The following SIRT5 variants were observed in gnomAD, a reference collection of about 807,000 sequenced individuals.
SIRT5 encodes the protein NAD-dependent protein deacylase sirtuin-5, mitochondrial.
In SIRT5, 26 loss-of-function variants were observed where a neutral mutation model predicts 40.0. That is an observed-to-expected ratio of 0.65 (90% confidence interval 0.48 to 0.90). The LOEUF (loss-of-function observed/expected upper bound fraction) is 0.90, where lower values mean the gene tolerates loss of function less well. SIRT5 is among the 40% of genes least tolerant of loss of function. The pLI is 0.00. For synonymous variants in SIRT5, 146 were observed against 149.1 expected (o/e 0.98, Z 0.15); for missense variants, 401 against 402.4 (o/e 1.00, Z 0.03).
chr6:13,578,863 G>A (rs114142853), intron 1 of SIRT5, among the ~76,000 whole-genome samples: 2,112 of 152,066 alleles, frequency 0.014, 47 homozygotes, highest in African/African-American at 0.047. Context: ...AAAAGGCATC[G>A]TTAAATGACA....
intron 1 of SIRT5, among the ~76,000 whole-genome samples, chr6:13,578,577 A>C (rs967340121): frequency 6.7e-6 from 1 of 148,790 alleles, no homozygotes; most frequent in Non-Finnish European, 1.5e-5. Context: ...AGACGGCGCC[A>C]CTGCACTGCA....
chr6:13,598,441 G>T (rs1378078577), intron 7 of SIRT5, among the ~76,000 whole-genome samples: 3 of 152,168 alleles, frequency 2.0e-5, no homozygotes, highest in Non-Finnish European at 2.9e-5. Flanking sequence ...GGTCTGGGTG[G>T]CTGTGAGCAC....
At chr6:13,582,533 A>G (rs532327582) in intron 2 of SIRT5, among the ~76,000 whole-genome samples, 1 of 148,348 alleles carries the variant, frequency 6.7e-6, no homozygotes, top group African/African-American at 2.5e-5. Flanking sequence ...GTTAGTATTG[A>G]GTTTTATGAG....
In SIRT5 at chr6:13,607,882, C is replaced by A. The variant is rs574268513; in HGVS notation, c.858-3908C>A. Among the ~76,000 whole-genome samples the A allele has an allele frequency of 6.6e-6, 1 of 152,052 alleles. No homozygotes were observed. The highest frequency in any genetic ancestry group is 1.5e-5 in the Non-Finnish European group (1 of 67,988). The stretch of plus-strand genomic sequence containing the variant: ...AATTCTCCTGCCTCAGCCTCCCAAG[C>A]AGCTAGGACTACAGGCGTGCGCCAC... On this transcript the variant is annotated intron_variant, in intron 9 of 9. Coordinates refer to ENST00000606117, the MANE Select transcript of SIRT5 (RefSeq NM_012241.5). This position sits in a 1 kb window ranked among gnomAD's most constrained non-coding sequence, Gnocchi z 4.0.
rs1418797740 is a variant in SIRT5, at chr6:13,591,827, G to C, written c.408G>C (p.Val136=). 6.2e-7 allele frequency: 1 copy of C among 1,614,130 alleles called. No homozygotes were observed. Among genetic ancestry groups the C allele is most frequent in the Non-Finnish European group, 8.5e-7 (1 of 1,179,986 alleles). Residue 136 remains valine (V), a synonymous_variant, in exon 5 of 10, where the codon GTG becomes GTC. Coordinates refer to ENST00000606117, the MANE Select transcript of SIRT5 (RefSeq NM_012241.5). ...TRLGKQGRRV[V]VITQNIDELH... ...TGGGCAAGCAGGGCCGGCGAGTCGT[G>C]GTCATCACCCAGAACATCGATGAGC...
chr6:13,584,126 A>G lies in SIRT5; in HGVS notation c.16A>G (p.Ile6Val), dbSNP rs570067378. The change falls in exon 3 of 10, where the codon ATT becomes GTT. Residue 6 changes from isoleucine to valine, a missense_variant. Ile to Val is a conservative substitution (Grantham distance 29). Coordinates refer to ENST00000606117, the MANE Select transcript of SIRT5 (RefSeq NM_012241.5). ...ACAAACCCTGATGCGACCTCTCCAGATTGTCCCAAGTCGATTGATTTCCCA... is the reference window on the plus strand; with the variant it reads ...ACAAACCCTGATGCGACCTCTCCAGGTTGTCCCAAGTCGATTGATTTCCCA... MRPLQ[I>V]VPSRLISQLY... 1.1e-5 allele frequency: 17 copies of G among 1,614,032 alleles called. No individual in the cohort carries two copies. The highest frequency in any genetic ancestry group is 1.7e-5 in the Admixed American group (1 of 60,010).
intron 3 of SIRT5, among the ~76,000 whole-genome samples, chr6:13,587,867 G>A (rs759971176): frequency 6.6e-6 from 1 of 152,230 alleles, no homozygotes; most frequent in African/African-American, 2.4e-5. Context: ...GTGAACTGGG[G>A]GAGGAAGGGT....
intron 9 of SIRT5, among the ~76,000 whole-genome samples, chr6:13,609,193 AC>A (rs1469842841): frequency 6.6e-6 from 1 of 152,184 alleles, no homozygotes; most frequent in Non-Finnish European, 1.5e-5. Flanking sequence ...GCTGAGTGTT[AC>A]CTATTGTTGG....
At chr6:13,586,123 T>A (rs896174085) in intron 3 of SIRT5, among the ~76,000 whole-genome samples, 5 of 152,216 alleles carry the variant, frequency 3.3e-5, no homozygotes, top group Non-Finnish European at 7.3e-5. Context: ...GTTTAAGTTA[T>A]TTGTAGATTC....
rs952538649 is a variant in SIRT5, at chr6:13,612,401, T to G, written c.*536T>G. On this transcript the variant is annotated 3_prime_UTR_variant, in exon 10 of 10. Coordinates refer to ENST00000606117, the MANE Select transcript of SIRT5 (RefSeq NM_012241.5). ...TGTTGCCCAGGCTGGAGTGCAGTGG[T>G]GCGATCTCAGCTCACAGCAACCTCC... 6.7e-6 allele frequency: 1 copy of G among 149,984 alleles called. No individual in the cohort carries two copies. The highest frequency in any genetic ancestry group is 1.5e-5 in the Non-Finnish European group (1 of 67,854). The allele number at this position is 149,984 out of a possible 1,614,324, so 9.3% of individuals were successfully genotyped here.
At chr6:13,602,780 C>T (rs1017009387) in intron 9 of SIRT5, among the ~76,000 whole-genome samples, 1 of 151,890 alleles carries the variant, frequency 6.6e-6, no homozygotes, top group Admixed American at 6.6e-5. Context: ...AAAAAATAAC[C>T]CAAAATGGAT....
intron 6 of SIRT5, 131 bp from the exon 7 acceptor site, chr6:13,596,832 C>A: frequency 3.0e-6 from 2 of 677,676 alleles, no homozygotes; most frequent in Non-Finnish European, 4.8e-6. Flanking sequence ...AATGCCCTTC[C>A]AAGTGAGCAT....
intron 1 of SIRT5, among the ~76,000 whole-genome samples, chr6:13,576,083 C>T (rs1339424716): frequency 6.6e-6 from 1 of 152,144 alleles, no homozygotes; most frequent in Non-Finnish European, 1.5e-5. Context: ...GCTTCTATAT[C>T]TTGGTTATTG....
intron 8 of SIRT5, among the ~76,000 whole-genome samples, chr6:13,600,381 A>AGAGAAAAC (rs1762215190): frequency 6.6e-6 from 1 of 152,260 alleles, no homozygotes. Context: ...AATATTTATA[A>AGAGAAAAC]GAGAAAACCT....
intron 9 of SIRT5, chr6:13,605,834 G>A (rs1428729921): frequency 1.0e-6 from 1 of 985,358 alleles, no homozygotes; most frequent in Non-Finnish European, 1.2e-6. Context: ...GCTGCAGGGA[G>A]CTGGTGGCCA....
Position 13,593,008 on chromosome 6 carries a change from G to T in SIRT5, c.475+1114G>T, listed in dbSNP as rs373635848. 1.4e-3 allele frequency among the ~76,000 whole-genome samples: 205 copies of T among 150,394 alleles called. 9 individuals are homozygous for T. The South Asian group carries it at 0.042, about 31-fold the overall frequency. Reference sequence around the variant, plus strand: ...AGCTCATTGCAGCCTTGAACTCCTGGCCTCAAGGGATCCTCCCACCTCAGC... The same window carrying T: ...AGCTCATTGCAGCCTTGAACTCCTGTCCTCAAGGGATCCTCCCACCTCAGC... On this transcript the variant is annotated intron_variant, in intron 5 of 9. Coordinates refer to ENST00000606117, the MANE Select transcript of SIRT5 (RefSeq NM_012241.5).
At chr6:13,578,277 T>G (rs1489646725) in intron 1 of SIRT5, among the ~76,000 whole-genome samples, 1 of 152,192 alleles carries the variant, frequency 6.6e-6, no homozygotes, top group East Asian at 1.9e-4. Flanking sequence ...TGTAACGTCC[T>G]TCTCTGGCTT....
At chr6:13,604,468 C>A (rs1762832611) in intron 9 of SIRT5, 2 of 1,521,920 alleles carry the variant, frequency 1.3e-6, no homozygotes, top group Non-Finnish European at 1.8e-6. Flanking sequence ...AATGTGGTTT[C>A]TTTTCAGTCA....
rs1426229104 is a variant in SIRT5, at chr6:13,612,570, C to T, written c.*705C>T. On this transcript the variant is annotated 3_prime_UTR_variant, in exon 10 of 10. Transcript: ENST00000606117. ...GGTCAGGCTGGTCTTAAACTCTCGA[C>T]CTCAGGTGATCTGCCCGCCTCGGCC... 3.9e-5 allele frequency: 6 copies of T among 152,262 alleles called. No individual in the cohort carries two copies. In the East Asian group the frequency reaches 1.2e-3, roughly 29 times the overall value. The allele number at this position is 152,262 out of a possible 1,614,324, so 9.4% of individuals were successfully genotyped here.
Sources: allele counts gnomAD v4.1 joint callset (sites outside exome capture counted in the v4.1 genomes callset), GRCh38; gene constraint gnomAD v4.1.1; non-coding constraint Gnocchi (gnomAD v3.1); transcripts MANE v1.5; gene names NCBI Gene and HGNC (gene_info 2026-07-23, HGNC 2026-07-21).